Variants in ACOXL observed in about 807,000 individuals in gnomAD.
ACOXL encodes acyl-CoA oxidase like.
A neutral mutation model predicts 71.9 loss-of-function variants in ACOXL; 70 were observed. The observed-to-expected ratio is 0.97, with a 90% CI of 0.80 to 1.19. The LOEUF (loss-of-function observed/expected upper bound fraction) is 1.19, where lower values mean the gene tolerates loss of function less well. Among genes scored for constraint, ACOXL ranks in the 50% most tolerant of loss-of-function variants. ACOXL has a pLI of 0.00. For missense variants in ACOXL, 703 were observed against 736.3 expected, an observed-to-expected ratio of 0.95 and a Z score of 0.52; for synonymous variants, 253 against 281.6, an observed-to-expected ratio of 0.90 and a Z score of 1.02.
At chr2:110,965,812 G>C (rs1002176286) in intron 12 of ACOXL, among the ~76,000 whole-genome samples, 1 of 152,134 alleles carries the variant, frequency 6.6e-6, no homozygotes, top group African/African-American at 2.4e-5. Flanking sequence ...TTTGGGACTT[G>C]AACAATGAAA....
intron 7 of ACOXL, 24 bp from the exon 8 acceptor site, chr2:110,801,628 A>G (rs1686009412): frequency 1.9e-6 from 3 of 1,607,014 alleles, no homozygotes; most frequent in Admixed American, 1.7e-5. Context: ...TGCTGCATCC[A>G]TTTCCCCTTT....
At chr2:111,110,783 T>C (rs2069890086) in intron 17 of ACOXL, among the ~76,000 whole-genome samples, 1 of 152,246 alleles carries the variant, frequency 6.6e-6, no homozygotes, top group Admixed American at 6.5e-5. Context: ...ATCTGATTTT[T>C]ACTTTGTTCA....
At chr2:110,833,278 C>T (rs1221070903) in intron 9 of ACOXL, among the ~76,000 whole-genome samples, 3 of 152,178 alleles carry the variant, frequency 2.0e-5, no homozygotes, top group Non-Finnish European at 4.4e-5. Flanking sequence ...ACTGCAACCT[C>T]GATGAATCTC....
intron 14 of ACOXL, among the ~76,000 whole-genome samples, chr2:111,004,788 A>G (rs111253646): frequency 2.0e-5 from 3 of 152,282 alleles, no homozygotes; most frequent in African/African-American, 7.2e-5. Context: ...GAGAAAATCC[A>G]TTTCTGGTCA....
At chr2:110,823,448 A>G (rs551957676) in intron 9 of ACOXL, among the ~76,000 whole-genome samples, 1 of 152,300 alleles carries the variant, frequency 6.6e-6, no homozygotes, top group Admixed American at 6.5e-5. Context: ...TTTTGTGAAC[A>G]TAAGTTTTTA....
chr2:110,995,914 C>A lies in ACOXL; in HGVS notation c.1191C>A (p.Asp397Glu). 6.2e-7 allele frequency: 1 copy of A among 1,614,028 alleles called. No individual in the cohort carries two copies. The highest frequency in any genetic ancestry group is 8.5e-7 in the Non-Finnish European group (1 of 1,179,932). ...LRTSFLAFNM[D>E]TVDDLAFLLK... ...TCAGTTTCCTGGCATTTAACATGGA[C>A]ACAGTTGATGATCTCGCCTTTCTGT... Residue 397 changes from aspartate (D) to glutamate (E), a missense_variant, in exon 14 of 18, where the codon GAC becomes GAA. Asp to Glu is a conservative substitution (Grantham distance 45). Transcript: ENST00000439055.
chr2:110,765,675 T>G (rs1170517091), intron 1 of ACOXL, among the ~76,000 whole-genome samples: 1 of 152,208 alleles, frequency 6.6e-6, no homozygotes, highest in African/African-American at 2.4e-5. Flanking sequence ...AGATGGTGCC[T>G]TCTTGCTATG....
At chr2:110,746,981 A>G (rs982816439) in intron 1 of ACOXL, among the ~76,000 whole-genome samples, 37 of 152,270 alleles carry the variant, frequency 2.4e-4, no homozygotes, top group African/African-American at 7.7e-4. Flanking sequence ...TAGGATTGCA[A>G]TGTACTGTGG....
At chr2:111,027,410 C>T (rs1300537775) in intron 14 of ACOXL, among the ~76,000 whole-genome samples, 1 of 151,876 alleles carries the variant, frequency 6.6e-6, no homozygotes, top group East Asian at 1.9e-4. Context: ...CAACCTCCAC[C>T]TCCTGTGTTC....
chr2:110,995,499 CAAAAAA>C lies in ACOXL; in HGVS notation c.1170-380_1170-375del, dbSNP rs567318996. ...TGGGAAACAGAGTGAGACTCTGTCT[CAAAAAA>C]AAAAAAAAAAAAAGAATTGTATAAT... is the stretch of plus-strand genomic sequence containing the variant. On this transcript the variant is annotated intron_variant, in intron 13 of 17. Coordinates refer to ENST00000439055, the MANE Select transcript of ACOXL (RefSeq NM_001142807.4). Among the ~76,000 whole-genome samples, 143 of 67,306 alleles carry C rather than the reference CAAAAAA, an allele frequency of 2.1e-3. 4 individuals are homozygous for C. The highest frequency in any genetic ancestry group is 7.6e-3 in the African/African-American group (114 of 15,086). 44.2% of individuals were successfully genotyped at this position (67,306 alleles called of 152,430 possible).
At chr2:111,022,088 C>T (rs1181937915) in intron 14 of ACOXL, among the ~76,000 whole-genome samples, 1 of 152,182 alleles carries the variant, frequency 6.6e-6, no homozygotes, top group Non-Finnish European at 1.5e-5. Context: ...CGTGGTGGCT[C>T]ATGCCTGTAA....
At chr2:110,948,677 A>G (rs944751638) in intron 12 of ACOXL, among the ~76,000 whole-genome samples, 1 of 146,710 alleles carries the variant, frequency 6.8e-6, no homozygotes, top group African/African-American at 2.5e-5. Flanking sequence ...CTCAGGAGCC[A>G]GGGACCAAGG....
chr2:110,947,153 C>T (rs2061139966), intron 12 of ACOXL, among the ~76,000 whole-genome samples: 1 of 152,214 alleles, frequency 6.6e-6, no homozygotes, highest in Non-Finnish European at 1.5e-5. Flanking sequence ...TCTGATTAGT[C>T]ATGTGACGCA....
At chr2:110,983,557 A>AGTGCAGAACCAGCAGAAC (rs1332895859) in intron 12 of ACOXL, among the ~76,000 whole-genome samples, 1 of 152,210 alleles carries the variant, frequency 6.6e-6, no homozygotes. Flanking sequence ...GAAAATAAAG[A>AGTGCAGAACCAGCAGAAC]GTGCAGAACC....
At chr2:110,834,717 T>G (rs1266781367) in intron 9 of ACOXL, among the ~76,000 whole-genome samples, 1 of 152,222 alleles carries the variant, frequency 6.6e-6, no homozygotes, top group African/African-American at 2.4e-5. Context: ...TTGAGTTCCC[T>G]CTCTGGAGAG....
chr2:111,046,844 A>G (rs1365538183), intron 15 of ACOXL, among the ~76,000 whole-genome samples: 1 of 151,954 alleles, frequency 6.6e-6, no homozygotes, highest in Non-Finnish European at 1.5e-5. Context: ...GAGAGTCAGG[A>G]GCCATCAGGG....
intron 1 of ACOXL, among the ~76,000 whole-genome samples, chr2:110,758,553 G>C (rs942620474): frequency 6.6e-6 from 1 of 152,070 alleles, no homozygotes; most frequent in Non-Finnish European, 1.5e-5. Flanking sequence ...ATTTCTGGTT[G>C]AGTTTATTTG....
intron 16 of ACOXL, 79 bp downstream of exon 16, chr2:111,049,367 A>G: frequency 3.6e-6 from 4 of 1,126,570 alleles, no homozygotes; most frequent in Non-Finnish European, 5.3e-6. Flanking sequence ...CATTTTTACA[A>G]GCGGGAGTAA....
chr2:111,001,387 A>AAAAACAAAACAAAAC (rs138811808), intron 14 of ACOXL, among the ~76,000 whole-genome samples: 7,136 of 151,030 alleles, frequency 0.047, 238 homozygotes, highest in Non-Finnish European at 0.068. Flanking sequence ...ACAAGTGGAG[A>AAAAACAAAACAAAAC]AAAACAAAAC....
Sources: allele counts gnomAD v4.1 joint callset (sites outside exome capture counted in the v4.1 genomes callset), GRCh38; gene constraint gnomAD v4.1.1; transcripts MANE v1.5; gene names NCBI Gene and HGNC (gene_info 2026-07-23, HGNC 2026-07-21).